Variants in ESPN observed in about 807,000 individuals in gnomAD.
ESPN encodes the protein espin.
A neutral mutation model predicts 77.7 loss-of-function variants in ESPN; 68 were observed. The ratio of observed to expected loss-of-function variants is 0.87; its 90% CI spans 0.72 to 1.07. ESPN has a LOEUF of 1.07. Among genes scored for constraint, ESPN ranks in the 50% least tolerant of loss-of-function variants. The pLI is 0.00. For missense variants in ESPN, 1,060 were observed against 1,239.0 expected (o/e 0.86, Z 2.17); for synonymous variants, 449 against 567.1 (o/e 0.79, Z 2.96).
At chr1:6,438,638 A>C (rs575163968) in intron 2 of ESPN, among the ~76,000 whole-genome samples, 18 of 152,356 alleles carry the variant, frequency 1.2e-4, no homozygotes, top group African/African-American at 4.3e-4. Context: ...GCCACTTACC[A>C]GCTGTGTGAC....
intron 5 of ESPN, among the ~76,000 whole-genome samples, chr1:6,441,505 G>A (rs1191635031): frequency 6.6e-6 from 1 of 152,086 alleles, no homozygotes; most frequent in African/African-American, 2.4e-5. Context: ...TGATGGCCTG[G>A]CCAGGAGGCA....
chr1:6,434,838 G>A (rs1271987821), intron 2 of ESPN, among the ~76,000 whole-genome samples: 1 of 152,162 alleles, frequency 6.6e-6, no homozygotes, highest in Non-Finnish European at 1.5e-5. Flanking sequence ...AAATTGAGGG[G>A]TCAGGGAAGC....
intron 2 of ESPN, among the ~76,000 whole-genome samples, chr1:6,434,674 C>T (rs1643368386): frequency 6.6e-6 from 1 of 152,210 alleles, no homozygotes; most frequent in Non-Finnish European, 1.5e-5. Flanking sequence ...CAACTGGGTG[C>T]ACCCAACTGC....
Position 6,440,717 on chromosome 1 carries a change from T to C in ESPN, c.767T>C (p.Leu256Pro), listed in dbSNP as rs1643602381. The C allele has an allele frequency of 6.5e-7, 1 of 1,544,650 alleles. No individual in the cohort carries two copies. The highest frequency in any genetic ancestry group is 8.7e-7 in the Non-Finnish European group (1 of 1,154,578). Residue 256 changes from leucine to proline, a missense_variant, in exon 4 of 13, where the codon CTC becomes CCC. By Grantham distance (98) the Leu-to-Pro change is moderately conservative (BLOSUM62 -3). Coordinates refer to ENST00000645284, the MANE Select transcript of ESPN (RefSeq NM_031475.3). ...GCGAGCCGCGGCCACACCAAGGTGCTCAGCTGGCTGCTGCTGCACGGCGGG... is the reference window on the plus strand; with the variant it reads ...GCGAGCCGCGGCCACACCAAGGTGCCCAGCTGGCTGCTGCTGCACGGCGGG... ...FAASRGHTKVLSWLLLHGGEI... is the reference protein window; with the variant it reads ...FAASRGHTKVPSWLLLHGGEI...
rs1454564589 is a variant in ESPN at position 6,444,603 on chromosome 1, C to G, written c.1113C>G (p.Ser371Arg). The G allele has an allele frequency of 6.2e-7, 1 of 1,614,224 alleles. No homozygotes were observed. Among genetic ancestry groups the G allele is most frequent in the Non-Finnish European group, 8.5e-7 (1 of 1,180,032 alleles). The change falls in exon 6 of 13, where the codon AGC becomes AGG. Residue 371 changes from serine to arginine, a missense_variant. Physicochemically the swap from Ser to Arg is moderately radical, Grantham distance 110. Coordinates refer to ENST00000645284, the MANE Select transcript of ESPN (RefSeq NM_031475.3). ...TCCAGCCGCTGAACTTTGACCTCAG[C>G]TCGCCTACCAGCACCCTCTCCAACT... The part of the protein sequence containing the change: ...VSVQPLNFDL[S>R]SPTSTLSNYD...
intron 1 of ESPN, among the ~76,000 whole-genome samples, 165 bp downstream of exon 1, chr1:6,425,414 G>A (rs1321922390): frequency 6.6e-6 from 1 of 152,260 alleles, no homozygotes; most frequent in Admixed American, 6.5e-5. Flanking sequence ...TGGGCTCCCT[G>A]GCTTGCCAGT....
chr1:6,457,796 G>A (rs1470580299), intron 12 of ESPN, among the ~76,000 whole-genome samples: 1 of 151,950 alleles, frequency 6.6e-6, no homozygotes, highest in Non-Finnish European at 1.5e-5. Flanking sequence ...TGTTTTATTT[G>A]GCACAAAATA....
chr1:6,430,632 G>A (rs538053438), intron 2 of ESPN, among the ~76,000 whole-genome samples: 3 of 152,158 alleles, frequency 2.0e-5, no homozygotes, highest in East Asian at 1.9e-4. Flanking sequence ...TTAGCCAGGC[G>A]TGGTGGCGCA....
intron 10 of ESPN, among the ~76,000 whole-genome samples, chr1:6,453,050 T>G (rs1643980446): frequency 6.6e-6 from 1 of 152,086 alleles, no homozygotes; most frequent in African/African-American, 2.4e-5. Context: ...CCGCCAACAA[T>G]GCCCTGCTAA....
At chr1:6,452,864 C>G (rs1643973483) in intron 10 of ESPN, among the ~76,000 whole-genome samples, 1 of 152,178 alleles carries the variant, frequency 6.6e-6, no homozygotes, top group South Asian at 2.1e-4. Flanking sequence ...TTTTATTCAT[C>G]CAACAACTAT....
chr1:6,452,317 G>A (rs1187229904), intron 10 of ESPN, among the ~76,000 whole-genome samples: 2 of 151,800 alleles, frequency 1.3e-5, no homozygotes, highest in Non-Finnish European at 2.9e-5. Context: ...TGATTCTCCT[G>A]CCTCAGCCTC....
At chr1:6,445,634 C>T (rs778158200) in intron 6 of ESPN, 30 bp from the exon 7 acceptor site, 9 of 1,607,982 alleles carry the variant, frequency 5.6e-6, no homozygotes, top group Non-Finnish European at 6.8e-6. Flanking sequence ...TGCATGCTCC[C>T]AAATCTGGCC....
In ESPN at chr1:6,440,790, C is replaced by G; in HGVS notation, c.840C>G (p.Ala280=). 6.6e-7 allele frequency: 1 copy of G among 1,511,426 alleles called. No individual in the cohort carries two copies. The highest frequency in any genetic ancestry group is 2.6e-5 in the East Asian group (1 of 37,740). 93.6% of individuals were successfully genotyped at this position (1,511,426 alleles called of 1,614,324 possible). The change falls in exon 4 of 13, where the codon GCC becomes GCG. Residue 280 remains alanine, a synonymous_variant. Coordinates refer to ENST00000645284, the MANE Select transcript of ESPN (RefSeq NM_031475.3). The part of the protein sequence containing the change: ...LWGGTPLHDA[A]ENGELECCQI... ...GCGGGACCCCGCTGCACGACGCCGC[C>G]GAGAACGGGGAGCTAGAGGTCAGCG...
chr1:6,435,054 A>G (rs1350677082), intron 2 of ESPN, among the ~76,000 whole-genome samples: 1 of 152,050 alleles, frequency 6.6e-6, no homozygotes, highest in African/African-American at 2.4e-5. Flanking sequence ...ATTCCATGCT[A>G]GCTGACGGCC....
Position 6,457,497 on chromosome 1 carries a change from TCCTC to T in ESPN, c.2417+129_2417+132del. The stretch of plus-strand genomic sequence containing the variant: ...CTTGGCCCTTGTAGCACAGCCTCCT[TCCTC>T]CCTATAATACCCCAGAATCTCTCTC... On this transcript the variant is annotated intron_variant, in intron 12 of 12. Coordinates refer to ENST00000645284, the MANE Select transcript of ESPN (RefSeq NM_031475.3). The T allele has an allele frequency of 2.6e-6, 3 of 1,150,884 alleles. 1 individual carries two copies. In the South Asian group the frequency reaches 3.8e-5, roughly 15 times the overall value. The allele number at this position is 1,150,884 out of a possible 1,614,324, so 71.3% of individuals were successfully genotyped here.
At chr1:6,454,976 C>A in intron 10 of ESPN, 1 of 379,908 alleles carries the variant, frequency 2.6e-6, no homozygotes. Context: ...GCGCCACCTA[C>A]GAGCTGCGCG....
In ESPN at chr1:6,450,109, T is replaced by C. The variant is rs1322579340; in HGVS notation, c.1915+1018T>C. On this transcript the variant is annotated intron_variant, in intron 8 of 12. Transcript: ENST00000645284. The surrounding 1 kb of genome is among the most constrained non-coding windows in gnomAD (Gnocchi z 4.3). ...GCTAAGGGCAGAGAAAAACATACTC[T>C]GGGCTTCCCGAGACACCCTCACCCA... 2.0e-5 allele frequency among the ~76,000 whole-genome samples: 3 copies of C among 152,096 alleles called. No individual in the cohort carries two copies. Among genetic ancestry groups the C allele is most frequent in the Non-Finnish European group, 2.9e-5 (2 of 68,002 alleles).
At chr1:6,436,852 G>A (rs1350619742) in intron 2 of ESPN, among the ~76,000 whole-genome samples, 2 of 152,164 alleles carry the variant, frequency 1.3e-5, no homozygotes, top group African/African-American at 4.8e-5. Flanking sequence ...CCCAGTGACT[G>A]TGAGAGTGCC....
At chr1:6,458,705 T>A (rs1171780398) in intron 12 of ESPN, among the ~76,000 whole-genome samples, 38 of 137,384 alleles carry the variant, frequency 2.8e-4, no homozygotes, top group South Asian at 4.8e-4. Flanking sequence ...CTGAAGCGGG[T>A]GGATCACCTG....
Sources: allele counts gnomAD v4.1 joint callset (sites outside exome capture counted in the v4.1 genomes callset), GRCh38; gene constraint gnomAD v4.1.1; non-coding constraint Gnocchi (gnomAD v3.1); transcripts MANE v1.5; gene names NCBI Gene and HGNC (gene_info 2026-07-23, HGNC 2026-07-21).